DSCAML1: variants seen among roughly 807,000 people sequenced by gnomAD.
DSCAML1 encodes the protein cell adhesion molecule DSCAML1.
A neutral mutation model predicts 200.5 loss-of-function variants in DSCAML1; 38 were observed. The observed-to-expected ratio is 0.19, with a 90% confidence interval of 0.15 to 0.25. The LOEUF is 0.25. Ranked by LOEUF, DSCAML1 falls within the 10% of genes least tolerant of loss-of-function variation. The pLI, the probability that DSCAML1 is intolerant of heterozygous loss-of-function variation, is 1.00. For missense variants in DSCAML1, 2,223 were observed against 2,858.8 expected (o/e 0.78, Z 5.07); for synonymous variants, 1,215 against 1,165.0 (o/e 1.04, Z -0.87).
intron 3 of DSCAML1, among the ~76,000 whole-genome samples, chr11:117,732,637 T>C (rs113204414): frequency 0.013 from 1,985 of 152,160 alleles, 23 homozygotes; most frequent in East Asian, 0.041. Context: ...AAACCCAGCC[T>C]CCGGACAGAA....
intron 4 of DSCAML1, among the ~76,000 whole-genome samples, chr11:117,526,216 C>T (rs931621177): frequency 3.3e-5 from 5 of 152,178 alleles, no homozygotes; most frequent in Admixed American, 3.3e-4. Context: ...ATGCCCCTCA[C>T]CTACACAACA....
At chr11:117,709,578 A>G (rs2137765126) in intron 3 of DSCAML1, among the ~76,000 whole-genome samples, 1 of 152,260 alleles carries the variant, frequency 6.6e-6, no homozygotes, top group African/African-American at 2.4e-5. Flanking sequence ...AACGGCAGCC[A>G]AAAAGGATTT....
chr11:117,572,149 A>T (rs2050857795), intron 3 of DSCAML1, among the ~76,000 whole-genome samples: 1 of 152,150 alleles, frequency 6.6e-6, no homozygotes, highest in Non-Finnish European at 1.5e-5. Flanking sequence ...AGTTGCTTTC[A>T]CTTTATGGAC....
chr11:117,688,320 C>T (rs1040965188), intron 3 of DSCAML1, among the ~76,000 whole-genome samples: 2 of 152,110 alleles, frequency 1.3e-5, no homozygotes, highest in African/African-American at 4.8e-5. Flanking sequence ...GCCCTCCCAT[C>T]TCCAAGCAGT....
chr11:117,791,330 G>T (rs1378961701), intron 1 of DSCAML1, among the ~76,000 whole-genome samples: 1 of 152,184 alleles, frequency 6.6e-6, no homozygotes, highest in Non-Finnish European at 1.5e-5. Flanking sequence ...GAAAAATAGA[G>T]GTTCATCTCA....
At position 117,495,960 on chromosome 11, in the gene DSCAML1, G is replaced by A. The variant is rs77782039; in HGVS notation, c.2359+7885C>T. ...ATTCCTCTAGTCTCCAGCAGCCTCCGTCTGGTCAGGTGAGCGCCTCATTGC... is the reference window on the plus strand; with the variant it reads ...ATTCCTCTAGTCTCCAGCAGCCTCCATCTGGTCAGGTGAGCGCCTCATTGC... On this transcript the variant is annotated intron_variant, in intron 11 of 32. Transcript: ENST00000651296. Among the ~76,000 whole-genome samples the A allele has an allele frequency of 6.5e-3, 985 of 152,246 alleles. 8 individuals carry two copies. The highest frequency in any genetic ancestry group is 0.031 in the South Asian group (150 of 4,820).
At position 117,797,039 on chromosome 11, in the gene DSCAML1, T is replaced by A; in HGVS notation, c.41A>T (p.His14Leu). Residue 14 changes from histidine to leucine, a missense_variant, in exon 1 of 33, where the codon CAC becomes CTC. Physicochemically the swap from His to Leu is moderately conservative, Grantham distance 99. Coordinates refer to ENST00000651296, the MANE Select transcript of DSCAML1 (RefSeq NM_020693.4). ...GCCGCCCGCGCAGGTCTCACCTTTG[T>A]GTAAAGAGTCCAGGAGCAGGAGGAA... ...VTFLLLLDSLHKARPEDVGTS... is the reference protein window; with the variant it reads ...VTFLLLLDSLLKARPEDVGTS... The A allele has an allele frequency of 6.5e-7, 1 of 1,533,876 alleles. No individual in the cohort carries two copies. Among genetic ancestry groups the A allele is most frequent in the Non-Finnish European group, 8.8e-7 (1 of 1,138,908 alleles).
chr11:117,461,158 T>C (rs561476448), intron 18 of DSCAML1, among the ~76,000 whole-genome samples: 1 of 152,014 alleles, frequency 6.6e-6, no homozygotes, highest in South Asian at 2.1e-4. Context: ...AGGTGTCTCC[T>C]TCCCACCCCT....
chr11:117,649,710 T>G (rs927131530), intron 3 of DSCAML1, among the ~76,000 whole-genome samples: 4 of 152,180 alleles, frequency 2.6e-5, no homozygotes, highest in African/African-American at 7.2e-5. Context: ...TTGAGAAAAT[T>G]TCCACAATGG....
intron 3 of DSCAML1, among the ~76,000 whole-genome samples, chr11:117,705,578 T>C (rs1012820074): frequency 2.0e-5 from 3 of 152,168 alleles, no homozygotes; most frequent in Non-Finnish European, 4.4e-5. Flanking sequence ...CCTCTGGCTA[T>C]GAGTGGGAAA....
At position 117,439,872 on chromosome 11, in the gene DSCAML1, C is replaced by A; in HGVS notation, c.3927G>T (p.Leu1309=). Residue 1309 remains leucine, a synonymous_variant, in exon 22 of 33, where the codon CTG becomes CTT. Transcript: ENST00000651296. Reference sequence around the variant, plus strand: ...CTGGATCTCCCACTGAATTGCAAGGCAGCCGAACATCTTTCATCCAAGGTG... The same window carrying A: ...CTGGATCTCCCACTGAATTGCAAGGAAGCCGAACATCTTTCATCCAAGGTG... ...VTTPWMKDVR[L]PCNSVGDPAP... 6.2e-7 allele frequency: 1 copy of A among 1,614,234 alleles called. No individual in the cohort carries two copies. Among genetic ancestry groups the A allele is most frequent in the Middle Eastern group, 1.7e-4 (1 of 6,058 alleles).
intron 3 of DSCAML1, among the ~76,000 whole-genome samples, chr11:117,758,433 G>A (rs1406306176): frequency 2.6e-5 from 4 of 151,666 alleles, no homozygotes; most frequent in Admixed American, 1.3e-4. Context: ...ACGGAGTCTC[G>A]CTCTGTTGCC....
Position 117,516,340 on chromosome 11 carries a change from G to T in DSCAML1, c.1783+127C>A. The T allele has an allele frequency of 8.2e-7, 1 of 1,221,344 alleles. No individual in the cohort carries two copies. The allele number at this position is 1,221,344 out of a possible 1,614,324, so 75.7% of individuals were successfully genotyped here. ...CCCTTTTTTCTGAATGCCAAGCTGG[G>T]GCCTCTCTTGCTCAGCCTTCCGTTC... is the stretch of plus-strand genomic sequence containing the variant. On this transcript the variant is annotated intron_variant, in intron 8 of 32. Coordinates refer to ENST00000651296, the MANE Select transcript of DSCAML1 (RefSeq NM_020693.4). This position sits in a 1 kb window ranked among gnomAD's most constrained non-coding sequence, Gnocchi z 5.7.
rs1348069557 is a variant in DSCAML1 at position 117,514,581 on chromosome 11, T to C, written c.1783+1886A>G. On this transcript the variant is annotated intron_variant, in intron 8 of 32. Transcript: ENST00000651296. ...CTTTTCTTTTCTTTTTCTTTTTTTT[T>C]TTTTTTTTTTTTTTTTTTGAGATGG... 4.4e-3 allele frequency among the ~76,000 whole-genome samples: 487 copies of C among 109,784 alleles called. 1 individual carries two copies. The highest frequency in any genetic ancestry group is 9.4e-3 in the South Asian group (32 of 3,410). 72.0% of individuals were successfully genotyped at this position (109,784 alleles called of 152,430 possible). A position where few individuals can be genotyped will look rare whatever the true frequency, so the allele number is the denominator to read the frequency against.
chr11:117,523,782 G>A (rs1448806575), intron 5 of DSCAML1, among the ~76,000 whole-genome samples: 1 of 152,208 alleles, frequency 6.6e-6, no homozygotes, highest in Non-Finnish European at 1.5e-5. Context: ...GGTCAACCAG[G>A]ATGAGAGGTG....
At chr11:117,668,434 A>G (rs1012729764) in intron 3 of DSCAML1, 1 of 152,286 alleles carries the variant, frequency 6.6e-6, no homozygotes, top group Non-Finnish European at 1.5e-5. Flanking sequence ...TGGCTTCGGC[A>G]TGAGGATATG....
Position 117,428,601 on chromosome 11 carries a change from G to A in DSCAML1, c.5889C>T (p.Ala1963=), listed in dbSNP as rs563097187. 122 of 1,602,580 alleles carry A rather than the reference G, an allele frequency of 7.6e-5. No individual in the cohort carries two copies. Among genetic ancestry groups the A allele is most frequent in the African/African-American group, 5.9e-4 (44 of 74,868 alleles). ...LGLPHPGAPA[A]ASTATLPQRT... ...TCTGAGGTAAGGTGGCTGTGGAGGC[G>A]GCAGCGGGGGCCCCTGGGTGGGGAA... The change falls in exon 33 of 33, where the codon GCC becomes GCT. Residue 1963 remains alanine, a synonymous_variant. Transcript: ENST00000651296.
intron 11 of DSCAML1, among the ~76,000 whole-genome samples, chr11:117,490,517 C>T (rs2049163088): frequency 6.6e-6 from 1 of 152,202 alleles, no homozygotes; most frequent in Non-Finnish European, 1.5e-5. Context: ...CCCCAGATCC[C>T]CGCTTCCACT....
At chr11:117,618,747 G>T (rs188660942) in intron 3 of DSCAML1, among the ~76,000 whole-genome samples, 1 of 152,224 alleles carries the variant, frequency 6.6e-6, no homozygotes, top group Non-Finnish European at 1.5e-5. Context: ...AGGGAGGGAG[G>T]GGGATGCATT....
Sources: gnomAD v4.1 joint callset for allele counts (sites outside exome capture counted in the v4.1 genomes callset) on GRCh38, gnomAD v4.1.1 for gene constraint, Gnocchi (gnomAD v3.1) non-coding constraint, MANE v1.5 for transcripts, NCBI Gene and HGNC (gene_info 2026-07-23, HGNC 2026-07-21) for gene names.